RASAL2: variants seen among roughly 807,000 people sequenced by gnomAD.
The protein encoded by RASAL2 is ras GTPase-activating protein nGAP.
In RASAL2, 58 loss-of-function variants were observed where a neutral mutation model predicts 128.9. That is an observed-to-expected ratio of 0.45 (90% CI 0.36 to 0.56). RASAL2 has a LOEUF of 0.56. RASAL2 is among the 20% of genes least tolerant of loss of function. RASAL2 has a pLI of 0.00. For missense variants in RASAL2, 1,360 were observed against 1,601.6 expected (o/e 0.85, Z 2.57); for synonymous variants, 561 against 580.8 (o/e 0.97, Z 0.49).
chr1:178,285,314 G>T (rs1433143816), intron 2 of RASAL2, among the ~76,000 whole-genome samples: 1 of 150,792 alleles, frequency 6.6e-6, no homozygotes, highest in South Asian at 2.1e-4. Flanking sequence ...TAGAGACGGG[G>T]TTTCACCTTG....
chr1:178,393,161 C>T (rs1673011276), intron 4 of RASAL2, among the ~76,000 whole-genome samples: 1 of 152,138 alleles, frequency 6.6e-6, no homozygotes, highest in South Asian at 2.1e-4. Flanking sequence ...ACAATTTTTC[C>T]ACGGACCAGG....
chr1:178,451,380 A>G (rs961395644), intron 9 of RASAL2, among the ~76,000 whole-genome samples, 191 bp from the exon 10 acceptor site: 11 of 152,184 alleles, frequency 7.2e-5, no homozygotes, highest in African/African-American at 2.4e-4. Flanking sequence ...AAAAATAAAC[A>G]TGATATGTAG....
At chr1:178,353,828 G>C (rs187213854) in intron 3 of RASAL2, among the ~76,000 whole-genome samples, 1 of 152,136 alleles carries the variant, frequency 6.6e-6, no homozygotes, top group South Asian at 2.1e-4. Context: ...TTATACAAGG[G>C]TGTGGTGGCT....
intron 1 of RASAL2, among the ~76,000 whole-genome samples, chr1:178,193,780 T>C (rs1211657118): frequency 7.1e-5 from 1 of 14,046 alleles, no homozygotes; most frequent in African/African-American, 7.8e-5. Context: ...CACAAAGAAT[T>C]TTTTTTGGTG....
chr1:178,147,960 A>C (rs1334128483), intron 1 of RASAL2, among the ~76,000 whole-genome samples: 1 of 152,086 alleles, frequency 6.6e-6, no homozygotes, highest in East Asian at 1.9e-4. Flanking sequence ...AATCCCAGCT[A>C]CTTGGAAGGC....
chr1:178,357,826 GTTTA>G (rs938774663), intron 3 of RASAL2, among the ~76,000 whole-genome samples: 2 of 151,940 alleles, frequency 1.3e-5, no homozygotes, highest in Admixed American at 1.3e-4. Flanking sequence ...TTTTGCTATA[GTTTA>G]TTTGACTACT....
At chr1:178,326,406 T>G (rs1201506818) in intron 3 of RASAL2, among the ~76,000 whole-genome samples, 4 of 152,216 alleles carry the variant, frequency 2.6e-5, no homozygotes, top group Non-Finnish European at 1.5e-5. Context: ...CTCTAAGAAG[T>G]CACCTTTTAG....
At chr1:178,169,456 A>G (rs991623389) in intron 1 of RASAL2, among the ~76,000 whole-genome samples, 1 of 152,110 alleles carries the variant, frequency 6.6e-6, no homozygotes, top group Non-Finnish European at 1.5e-5. Flanking sequence ...TTTTTAAAAG[A>G]TGTTCTTTTT....
intron 1 of RASAL2, among the ~76,000 whole-genome samples, chr1:178,147,311 G>T (rs1660764490): frequency 6.6e-6 from 1 of 151,432 alleles, no homozygotes; most frequent in East Asian, 2.0e-4. Flanking sequence ...CAACATGGCG[G>T]AACCCTCCCT....
At chr1:178,432,709 C>T (rs1675994512) in intron 5 of RASAL2, among the ~76,000 whole-genome samples, 1 of 152,088 alleles carries the variant, frequency 6.6e-6, no homozygotes, top group African/African-American at 2.4e-5. Context: ...ACTCTACCCT[C>T]TCCCCAATTC....
rs944955457 is a variant in RASAL2, at chr1:178,094,402, C to G, written c.-91C>G. On this transcript the variant is annotated 5_prime_UTR_variant, in exon 1 of 18. Coordinates refer to ENST00000367649, the MANE Select transcript of RASAL2 (RefSeq NM_170692.4). The stretch of plus-strand genomic sequence containing the variant: ...CGGGTCCCTGCCCTCGCTGCGCGCT[C>G]TCCTCCTCCCCTTACCGCAGGCAGG... 4.0e-6 allele frequency: 5 copies of G among 1,249,878 alleles called. No individual in the cohort carries two copies. Among genetic ancestry groups the G allele is most frequent in the South Asian group, 1.6e-5 (1 of 63,238 alleles). 77.4% of individuals were successfully genotyped at this position (1,249,878 alleles called of 1,614,324 possible).
chr1:178,266,550 C>T (rs377642757), intron 1 of RASAL2, among the ~76,000 whole-genome samples: 2 of 152,032 alleles, frequency 1.3e-5, no homozygotes, highest in Non-Finnish European at 2.9e-5. Flanking sequence ...TTCGATAAGA[C>T]GACATGGACA....
intron 1 of RASAL2, among the ~76,000 whole-genome samples, chr1:178,135,892 G>A (rs1410665546): frequency 1.3e-5 from 2 of 152,100 alleles, no homozygotes; most frequent in Admixed American, 6.6e-5. Context: ...TCACTAACAC[G>A]AGAACAGTAT....
intron 14 of RASAL2, among the ~76,000 whole-genome samples, chr1:178,463,628 A>G (rs558892110): frequency 9.2e-5 from 14 of 152,292 alleles, no homozygotes; most frequent in African/African-American, 3.1e-4. Context: ...TCATGAAGTC[A>G]GTGTTCTGTA....
intron 5 of RASAL2, among the ~76,000 whole-genome samples, chr1:178,422,887 G>A (rs568327585): frequency 6.6e-6 from 1 of 151,890 alleles, no homozygotes; most frequent in Admixed American, 6.6e-5. Flanking sequence ...GTTTTGGAGG[G>A]GGAAAAGTTT....
At chr1:178,372,730 C>T (rs1671784267) in intron 3 of RASAL2, among the ~76,000 whole-genome samples, 1 of 152,078 alleles carries the variant, frequency 6.6e-6, no homozygotes, top group African/African-American at 2.4e-5. Context: ...ATGTACAAAT[C>T]GAGAAGTAGC....
chr1:178,183,341 T>C (rs1662179882), intron 1 of RASAL2, among the ~76,000 whole-genome samples: 1 of 152,252 alleles, frequency 6.6e-6, no homozygotes. Context: ...ATTTTAAATT[T>C]GTATCCTTTA....
At chr1:178,139,615 G>T (rs1408030284) in intron 1 of RASAL2, among the ~76,000 whole-genome samples, 2 of 152,042 alleles carry the variant, frequency 1.3e-5, no homozygotes, top group African/African-American at 4.8e-5. Context: ...GATAGGTGAA[G>T]AAACTGCAGG....
intron 6 of RASAL2, among the ~76,000 whole-genome samples, chr1:178,441,273 A>G (rs574655946): frequency 8.5e-5 from 13 of 152,314 alleles, no homozygotes; most frequent in Admixed American, 6.5e-4. Flanking sequence ...GACTCTTAGT[A>G]CATTTTCGTC....
Sources: gnomAD v4.1 joint callset for allele counts (sites outside exome capture counted in the v4.1 genomes callset) on GRCh38, gnomAD v4.1.1 for gene constraint, MANE v1.5 for transcripts, NCBI Gene and HGNC (gene_info 2026-07-23, HGNC 2026-07-21) for gene names.